The following CLSTN2 variants were observed in gnomAD, a reference collection of about 807,000 sequenced individuals.
CLSTN2 encodes the protein calsyntenin 2.
CLSTN2 carries 48 observed loss-of-function variants against 101.2 expected under a neutral mutation model. The observed-to-expected ratio is 0.47, with a 90% CI of 0.38 to 0.60. The LOEUF is 0.60. CLSTN2 is among the 20% of genes least tolerant of loss of function. The pLI, the probability that CLSTN2 is intolerant of heterozygous loss-of-function variation, is 0.00. For missense variants in CLSTN2, 1,160 were observed against 1,238.2 expected (o/e 0.94, Z 0.95); for synonymous variants, 481 against 463.6 (o/e 1.04, Z -0.48).
In CLSTN2 at chr3:140,568,537, T is replaced by C. The variant is rs532692775; in HGVS notation, c.*2284T>C. On this transcript the variant is annotated 3_prime_UTR_variant, in exon 17 of 17. Coordinates refer to ENST00000458420, the MANE Select transcript of CLSTN2 (RefSeq NM_022131.3). ...CAAGAGGAAAGTCTATAGGACTGAT[T>C]AGTTTTCACAATCCCATTTAAATAA... The C allele has an allele frequency of 6.6e-6, 1 of 152,216 alleles. No individual in the cohort carries two copies. Among genetic ancestry groups the C allele is most frequent in the East Asian group, 1.9e-4 (1 of 5,196 alleles). The allele number at this position is 152,216 out of a possible 1,614,324, so 9.4% of individuals were successfully genotyped here.
At chr3:140,277,361 C>G (rs1166937088) in intron 2 of CLSTN2, among the ~76,000 whole-genome samples, 2 of 152,164 alleles carry the variant, frequency 1.3e-5, no homozygotes, top group African/African-American at 4.8e-5. Flanking sequence ...AGCCCATGCT[C>G]CTTGCTTTTC....
At chr3:140,111,464 C>T (rs1174761861) in intron 1 of CLSTN2, among the ~76,000 whole-genome samples, 4 of 152,164 alleles carry the variant, frequency 2.6e-5, no homozygotes, top group Non-Finnish European at 5.9e-5. Context: ...CACCTTGAGA[C>T]AACCCCTGAA....
rs533896633 is a variant in CLSTN2 at position 140,145,242 on chromosome 3, A to C, written c.110-30709A>C. On this transcript the variant is annotated intron_variant, in intron 1 of 16. Coordinates refer to ENST00000458420, the MANE Select transcript of CLSTN2 (RefSeq NM_022131.3). ...GCTAGAGCTCAGGCTATGTCTTCAG[A>C]GAGTTCTGATTTCAAACTCCTTCTC... 1.2e-3 allele frequency among the ~76,000 whole-genome samples: 188 copies of C among 152,362 alleles called. 1 individual carries two copies. Among genetic ancestry groups the C allele is most frequent in the African/African-American group, 4.4e-3 (184 of 41,582 alleles).
At chr3:140,529,393 G>A (rs943799324) in intron 8 of CLSTN2, among the ~76,000 whole-genome samples, 1 of 152,184 alleles carries the variant, frequency 6.6e-6, no homozygotes, top group Non-Finnish European at 1.5e-5. Context: ...CTTGGAGCTT[G>A]GACATACTTG....
At chr3:140,317,206 C>T (rs1296516420) in intron 2 of CLSTN2, among the ~76,000 whole-genome samples, 1 of 152,036 alleles carries the variant, frequency 6.6e-6, no homozygotes, top group Non-Finnish European at 1.5e-5. Flanking sequence ...GTTGAGTGGA[C>T]CAGATGGCTC....
chr3:140,370,187 T>C (rs11915085), intron 2 of CLSTN2, among the ~76,000 whole-genome samples: 12,363 of 152,122 alleles, frequency 0.081, 583 homozygotes, highest in African/African-American at 0.12. Context: ...TTCCCTAGAG[T>C]CTGCTTCAAT....
intron 2 of CLSTN2, among the ~76,000 whole-genome samples, chr3:140,240,209 CACACACACACACATAT>C (rs1183335054): frequency 0.2 from 3,444 of 17,482 alleles, 366 homozygotes; most frequent in African/African-American, 0.25. Context: ...TACACACACA[CACACACACACACATAT>C]ATATATATGC....
chr3:140,442,217 C>G lies in CLSTN2; in HGVS notation c.788-6302C>G, dbSNP rs536964261. On this transcript the variant is annotated intron_variant, in intron 5 of 16. Coordinates refer to ENST00000458420, the MANE Select transcript of CLSTN2 (RefSeq NM_022131.3). ...CTCACCCTCTCACTTTTCATATGCA[C>G]TCCAACCAATCTGGAGCCCACAACC... 2.0e-5 allele frequency among the ~76,000 whole-genome samples: 3 copies of G among 152,242 alleles called. No individual in the cohort carries two copies. In the South Asian group the frequency reaches 6.2e-4, roughly 32 times the overall value.
At chr3:140,523,441 G>C (rs1935077292) in intron 8 of CLSTN2, among the ~76,000 whole-genome samples, 1 of 152,118 alleles carries the variant, frequency 6.6e-6, no homozygotes, top group African/African-American at 2.4e-5. Context: ...TTTGATTCCT[G>C]AAGAGTTCTC....
chr3:140,238,729 G>T (rs1473284920), intron 2 of CLSTN2, among the ~76,000 whole-genome samples: 1 of 152,138 alleles, frequency 6.6e-6, no homozygotes, highest in Admixed American at 6.6e-5. Context: ...ATTAAGCACT[G>T]TGCCTTCTCA....
At chr3:140,260,431 T>C (rs1172279104) in intron 2 of CLSTN2, among the ~76,000 whole-genome samples, 1 of 151,734 alleles carries the variant, frequency 6.6e-6, no homozygotes, top group African/African-American at 2.4e-5. Context: ...GCCCAACTGC[T>C]CCTAAAGGAG....
At position 140,339,511 on chromosome 3, in the gene CLSTN2, C is replaced by A. The variant is rs112458371; in HGVS notation, c.233-64118C>A. On this transcript the variant is annotated intron_variant, in intron 2 of 16. Coordinates refer to ENST00000458420, the MANE Select transcript of CLSTN2 (RefSeq NM_022131.3). ...CAAATCTGACTGTGCATCCATGTCA[C>A]CTGGGGAGCTTAAAAAGCTACCAAT... 1.3e-3 allele frequency among the ~76,000 whole-genome samples: 192 copies of A among 152,272 alleles called. 1 individual carries two copies. Among genetic ancestry groups the A allele is most frequent in the African/African-American group, 4.1e-3 (172 of 41,572 alleles).
At chr3:140,379,468 T>A (rs1397141916) in intron 2 of CLSTN2, among the ~76,000 whole-genome samples, 6 of 152,128 alleles carry the variant, frequency 3.9e-5, no homozygotes, top group Admixed American at 2.6e-4. Flanking sequence ...TCAGCCAGGG[T>A]CTTCGACCAC....
chr3:139,997,297 C>G (rs138359009), intron 1 of CLSTN2, among the ~76,000 whole-genome samples: 461 of 152,064 alleles, frequency 3.0e-3, no homozygotes, highest in African/African-American at 0.011. Flanking sequence ...ATGTATCAAT[C>G]TTTTATTTTA....
intron 2 of CLSTN2, among the ~76,000 whole-genome samples, chr3:140,209,993 A>G (rs920742525): frequency 1.1e-4 from 16 of 152,306 alleles, no homozygotes; most frequent in Middle Eastern, 3.4e-3. Flanking sequence ...GCCATGTACT[A>G]AATGCTGAGG....
chr3:139,955,120 A>ATATATATATATATATATG, intron 1 of CLSTN2, among the ~76,000 whole-genome samples: 2 of 136,900 alleles, frequency 1.5e-5, no homozygotes, highest in Non-Finnish European at 3.1e-5. Context: ...TGCTATATAT[A>ATATATATATATATATATG]TATATATATA....
intron 2 of CLSTN2, among the ~76,000 whole-genome samples, chr3:140,255,600 CT>C (rs1394133070): frequency 1.3e-5 from 2 of 152,240 alleles, no homozygotes; most frequent in Admixed American, 1.3e-4. Context: ...CTGGGACCTA[CT>C]TGAGGTTGGA....
intron 1 of CLSTN2, among the ~76,000 whole-genome samples, chr3:140,002,611 G>A (rs186361819): frequency 2.5e-3 from 380 of 152,066 alleles, no homozygotes; most frequent in Non-Finnish European, 4.0e-3. Flanking sequence ...GTGCTTGCGG[G>A]GTATTACTCA....
At chr3:140,270,615 C>T (rs374389619) in intron 2 of CLSTN2, among the ~76,000 whole-genome samples, 1 of 152,190 alleles carries the variant, frequency 6.6e-6, no homozygotes, top group Admixed American at 6.5e-5. Flanking sequence ...TGTGTGTAGA[C>T]AGGAGGATGG....
Sources: allele counts gnomAD v4.1 joint callset (sites outside exome capture counted in the v4.1 genomes callset), GRCh38; gene constraint gnomAD v4.1.1; transcripts MANE v1.5; gene names NCBI Gene and HGNC (gene_info 2026-07-23, HGNC 2026-07-21).